DLGAP1: variants seen among roughly 807,000 people sequenced by gnomAD.
The protein encoded by DLGAP1 is disks large-associated protein 1.
Under a neutral mutation model 90.8 loss-of-function variants are expected in DLGAP1, and 11 were observed. The ratio of observed to expected loss-of-function variants is 0.12; its 90% CI spans 0.08 to 0.20. The LOEUF (loss-of-function observed/expected upper bound fraction) is 0.20, where lower values mean the gene tolerates loss of function less well. Among genes scored for constraint, DLGAP1 ranks in the 10% least tolerant of loss-of-function variants. The pLI is 1.00. For missense variants in DLGAP1, 1,050 were observed against 1,333.8 expected, an observed-to-expected ratio of 0.79 and a Z score of 3.31; for synonymous variants, 558 against 540.7, an observed-to-expected ratio of 1.03 and a Z score of -0.44.
At chr18:3,646,663 G>A (rs1188257000) in intron 7 of DLGAP1, among the ~76,000 whole-genome samples, 2 of 152,322 alleles carry the variant, frequency 1.3e-5, no homozygotes, top group Non-Finnish European at 2.9e-5. Context: ...GGTGGCTCAT[G>A]CCTGTAATCC....
intron 7 of DLGAP1, among the ~76,000 whole-genome samples, chr18:3,691,289 G>A (rs944571819): frequency 2.6e-5 from 4 of 152,070 alleles, no homozygotes; most frequent in East Asian, 1.9e-4. Context: ...TCTCCACTGC[G>A]TGATGGTGAA....
At chr18:3,875,755 A>G (rs1234198005) in intron 4 of DLGAP1, among the ~76,000 whole-genome samples, 1 of 152,188 alleles carries the variant, frequency 6.6e-6, no homozygotes, top group African/African-American at 2.4e-5. Context: ...AGTTCTAATT[A>G]GTACTCTGAC....
At chr18:3,621,300 C>CTT (rs397692329) in intron 7 of DLGAP1, among the ~76,000 whole-genome samples, 1 of 151,092 alleles carries the variant, frequency 6.6e-6, no homozygotes, top group Admixed American at 6.6e-5. Flanking sequence ...CTAATGACCT[C>CTT]CCCTCCTAAG....
At chr18:3,750,345 C>G (rs2063448679) in intron 5 of DLGAP1, among the ~76,000 whole-genome samples, 1 of 152,062 alleles carries the variant, frequency 6.6e-6, no homozygotes, top group Non-Finnish European at 1.5e-5. Context: ...GTGTATGCAC[C>G]ATATTTCTTT....
chr18:4,300,658 G>A (rs2080102866), intron 1 of DLGAP1, among the ~76,000 whole-genome samples: 3 of 151,790 alleles, frequency 2.0e-5, no homozygotes, highest in Admixed American at 6.6e-5. Flanking sequence ...TTCCCTTTCT[G>A]AGTCTGTCTA....
intron 1 of DLGAP1, among the ~76,000 whole-genome samples, chr18:4,434,684 AT>A (rs2083362487): frequency 6.6e-6 from 1 of 152,176 alleles, no homozygotes; most frequent in South Asian, 2.1e-4. Context: ...GGGTGACAAA[AT>A]GTTGCAATAC....
At chr18:3,785,120 T>C (rs1426469730) in intron 5 of DLGAP1, among the ~76,000 whole-genome samples, 3 of 152,244 alleles carry the variant, frequency 2.0e-5, no homozygotes, top group Non-Finnish European at 4.4e-5. Context: ...CTCCCACTGA[T>C]GGAAGTAGTT....
At chr18:3,848,212 A>G (rs559837032) in intron 4 of DLGAP1, among the ~76,000 whole-genome samples, 43 of 151,078 alleles carry the variant, frequency 2.8e-4, no homozygotes, top group Non-Finnish European at 5.3e-4. Flanking sequence ...CTTAGAATGA[A>G]TAGAATGAGG....
chr18:3,877,743 T>A (rs2071040103), intron 4 of DLGAP1, among the ~76,000 whole-genome samples: 1 of 152,130 alleles, frequency 6.6e-6, no homozygotes. Context: ...AGTATTTACC[T>A]TTCTTTGTGT....
At chr18:3,582,689 G>A (rs2055593531) in intron 7 of DLGAP1, among the ~76,000 whole-genome samples, 1 of 151,874 alleles carries the variant, frequency 6.6e-6, no homozygotes, top group South Asian at 2.1e-4. Context: ...TAATAAATAT[G>A]GAAAAAGAAA....
intron 1 of DLGAP1, among the ~76,000 whole-genome samples, chr18:4,210,045 G>T (rs2077810081): frequency 6.6e-6 from 1 of 152,144 alleles, no homozygotes; most frequent in Non-Finnish European, 1.5e-5. Context: ...TTCTGTTTGG[G>T]TTTAAAATTC....
intron 2 of DLGAP1, among the ~76,000 whole-genome samples, chr18:4,035,964 T>C (rs549993238): frequency 6.6e-6 from 1 of 152,114 alleles, no homozygotes; most frequent in South Asian, 2.1e-4. Context: ...CTTAGTCTAC[T>C]AAGACTAAGT....
chr18:3,787,358 G>GT (rs2065502608), intron 5 of DLGAP1, among the ~76,000 whole-genome samples: 1 of 151,884 alleles, frequency 6.6e-6, no homozygotes, highest in South Asian at 2.1e-4. Context: ...GTGGGCACCT[G>GT]TAGTCCCAGC....
In DLGAP1 at chr18:3,729,448, A is replaced by G; in HGVS notation, c.1351-73T>C. 6.5e-7 allele frequency: 1 copy of G among 1,541,420 alleles called. No homozygotes were observed. Among genetic ancestry groups the G allele is most frequent in the African/African-American group, 1.4e-5 (1 of 73,192 alleles). On this transcript the variant is annotated intron_variant, in intron 6 of 12. Transcript: ENST00000315677. The surrounding 1 kb of genome is among the most constrained non-coding windows in gnomAD (Gnocchi z 6.2). The stretch of plus-strand genomic sequence containing the variant: ...GATCAACCTCTCCAAGCATCTGCGA[A>G]CTTCAATCCCCAGAAGAAAAAGCAG...
At chr18:3,735,717 G>T (rs1363106303) in intron 6 of DLGAP1, among the ~76,000 whole-genome samples, 1 of 141,482 alleles carries the variant, frequency 7.1e-6, no homozygotes, top group Admixed American at 7.2e-5. Flanking sequence ...AATAAGCAAG[G>T]CTACTAGCAT....
chr18:3,652,319 G>T (rs1418379391), intron 7 of DLGAP1, among the ~76,000 whole-genome samples: 1 of 152,024 alleles, frequency 6.6e-6, no homozygotes, highest in Non-Finnish European at 1.5e-5. Context: ...ATGAACAACA[G>T]AATTTCCTTA....
At chr18:4,385,104 C>T (rs992469892) in intron 1 of DLGAP1, among the ~76,000 whole-genome samples, 2 of 152,082 alleles carry the variant, frequency 1.3e-5, no homozygotes, top group African/African-American at 4.8e-5. Context: ...GCAGGCTGTA[C>T]AGTAGGAAGG....
intron 7 of DLGAP1, among the ~76,000 whole-genome samples, chr18:3,635,668 C>T (rs1182113327): frequency 1.3e-5 from 2 of 151,560 alleles, no homozygotes; most frequent in Non-Finnish European, 1.5e-5. Context: ...TTATGTTTAA[C>T]CCAATTCTCT....
At chr18:4,115,520 C>G (rs1433411459) in intron 2 of DLGAP1, among the ~76,000 whole-genome samples, 1 of 141,992 alleles carries the variant, frequency 7.0e-6, no homozygotes, top group South Asian at 2.1e-4. Context: ...GAGTCTTGCT[C>G]TGTTGCCCAG....
Sources: gnomAD v4.1 joint callset for allele counts (sites outside exome capture counted in the v4.1 genomes callset) on GRCh38, gnomAD v4.1.1 for gene constraint, Gnocchi (gnomAD v3.1) non-coding constraint, MANE v1.5 for transcripts, NCBI Gene and HGNC (gene_info 2026-07-23, HGNC 2026-07-21) for gene names.